RNF43: variants seen among roughly 807,000 people sequenced by gnomAD.
RNF43 encodes the protein E3 ubiquitin-protein ligase RNF43.
In RNF43, 37 loss-of-function variants were observed where a neutral mutation model predicts 78.4. The observed-to-expected ratio is 0.47, with a 90% CI of 0.36 to 0.62. The LOEUF is 0.62. Among genes scored for constraint, RNF43 ranks in the 20% least tolerant of loss-of-function variants. RNF43 has a pLI of 0.00. For missense variants in RNF43, 774 were observed against 1,007.9 expected, an observed-to-expected ratio of 0.77 and a Z score of 3.14; for synonymous variants, 347 against 395.0, an observed-to-expected ratio of 0.88 and a Z score of 1.44.
chr17:58,366,673 C>G (rs1453845707), intron 3 of RNF43, among the ~76,000 whole-genome samples: 1 of 152,206 alleles, frequency 6.6e-6, no homozygotes, highest in Admixed American at 6.5e-5. Flanking sequence ...TACTCTGTGT[C>G]TGTTGTTTTT....
intron 5 of RNF43, chr17:58,363,071 T>A (rs1972873556): frequency 1.5e-5 from 9 of 613,628 alleles, no homozygotes; most frequent in Non-Finnish European, 2.0e-5. Flanking sequence ...TTAGAACTCA[T>A]CTGTCCTGAT....
intron 2 of RNF43, among the ~76,000 whole-genome samples, chr17:58,411,616 C>A (rs1974025435): frequency 6.6e-6 from 1 of 152,076 alleles, no homozygotes. Flanking sequence ...TAACTTTATC[C>A]TGGAGTCTAA....
chr17:58,368,712 C>CAAAAAAA (rs71365882), intron 3 of RNF43, among the ~76,000 whole-genome samples: 2 of 95,814 alleles, frequency 2.1e-5, no homozygotes, highest in Non-Finnish European at 4.4e-5. Flanking sequence ...GACTCTGTCT[C>CAAAAAAA]AAAAAAAAAA....
chr17:58,371,109 A>AT (rs960542181), intron 2 of RNF43, 76 bp from the exon 3 acceptor site: 190 of 1,382,222 alleles, frequency 1.4e-4, no homozygotes, highest in Middle Eastern at 1.9e-4. Flanking sequence ...ATACCTCTCC[A>AT]TTTTTCTAGG....
At chr17:58,411,649 A>T (rs950856666) in intron 2 of RNF43, among the ~76,000 whole-genome samples, 1 of 152,176 alleles carries the variant, frequency 6.6e-6, no homozygotes, top group Admixed American at 6.6e-5. Context: ...TAACCAGCTG[A>T]GCAGGAAGAG....
At chr17:58,380,353 G>A (rs1973287827) in intron 2 of RNF43, among the ~76,000 whole-genome samples, 1 of 152,142 alleles carries the variant, frequency 6.6e-6, no homozygotes, top group African/African-American at 2.4e-5. Context: ...CCCAGGATAA[G>A]GTCTATAGAG....
At chr17:58,378,200 G>T (rs1003777689) in intron 2 of RNF43, among the ~76,000 whole-genome samples, 1 of 152,172 alleles carries the variant, frequency 6.6e-6, no homozygotes, top group African/African-American at 2.4e-5. Context: ...GAGTTTCCAC[G>T]AATCAAGTTG....
chr17:58,363,385 TC>T lies in RNF43; in HGVS notation c.471del (p.Thr158ProfsTer6), dbSNP rs1164873326. ...CCCCAGATCAACACCACTGGCCAGGTCAGCCCCAGCGGCTGCTGCAGCTACA... is the reference window on the plus strand; with the variant it reads ...CCCCAGATCAACACCACTGGCCAGGTAGCCCCAGCGGCTGCTGCAGCTACA... ...AAEQLQQPLG[L>X]TWPVVLIWGN... On this transcript the variant is annotated frameshift_variant, in exon 5 of 10. Coordinates refer to ENST00000407977, the MANE Select transcript of RNF43 (RefSeq NM_017763.6). LOFTEE classifies it high-confidence loss of function. The T allele has an allele frequency of 1.9e-6, 3 of 1,614,006 alleles. No homozygotes were observed. The highest frequency in any genetic ancestry group is 2.5e-6 in the Non-Finnish European group (3 of 1,180,002).
intron 9 of RNF43, 126 bp from the exon 10 acceptor site, chr17:58,355,112 A>T: frequency 1.1e-6 from 1 of 870,902 alleles, no homozygotes; most frequent in South Asian, 1.4e-5. Context: ...CTGTCTGGAA[A>T]GGGTGGTTAG....
intron 2 of RNF43, among the ~76,000 whole-genome samples, chr17:58,371,379 C>T (rs1429626608): frequency 6.6e-6 from 1 of 152,252 alleles, no homozygotes; most frequent in African/African-American, 2.4e-5. Context: ...CTCCTGGCCC[C>T]AGCCTCTCTA....
intron 2 of RNF43, among the ~76,000 whole-genome samples, chr17:58,398,243 C>T (rs1020671087): frequency 3.9e-4 from 59 of 152,116 alleles, no homozygotes; most frequent in African/African-American, 1.3e-3. Flanking sequence ...ACTTTCCTGC[C>T]TAAATACATC....
intron 2 of RNF43, among the ~76,000 whole-genome samples, chr17:58,398,738 G>A (rs752615845): frequency 4.1e-4 from 63 of 152,064 alleles, no homozygotes; most frequent in Non-Finnish European, 8.4e-4. Flanking sequence ...AGAAGTAAAG[G>A]TCAAAAAAGG....
At position 58,356,978 on chromosome 17, in the gene RNF43, C is replaced by G. The variant is rs980175435; in HGVS notation, c.2308+490G>C. 41 of 479,030 alleles carry G rather than the reference C, an allele frequency of 8.6e-5. No individual in the cohort carries two copies. The Middle Eastern group carries it at 2.4e-3, about 28-fold the overall frequency. 29.7% of individuals were successfully genotyped at this position (479,030 alleles called of 1,614,324 possible). ...GCGCCATCTTGGCTCACTGCAACTT[C>G]CGCCTCTTAGGTTCACGCGATTCTC... On this transcript the variant is annotated intron_variant, in intron 9 of 9. Transcript: ENST00000407977.
intron 2 of RNF43, among the ~76,000 whole-genome samples, chr17:58,387,161 GA>G (rs1307903203): frequency 1.3e-5 from 2 of 152,180 alleles, no homozygotes; most frequent in Non-Finnish European, 2.9e-5. Flanking sequence ...AGGGATATCA[GA>G]ATTTCAAACA....
In RNF43 at chr17:58,363,278, G is replaced by A. The variant is rs776216229; in HGVS notation, c.579C>T (p.Ala193=). 1.7e-5 allele frequency: 28 copies of A among 1,613,468 alleles called. No individual in the cohort carries two copies. The highest frequency in any genetic ancestry group is 2.4e-5 in the Non-Finnish European group (28 of 1,180,012). The part of the protein sequence containing the change: ...HVRIELKEPP[A]WPDYDVWILM... ...TCTGGAGGTCTAGTGTGCTTACCCA[G>A]GCCGGGGGCTCCTTCAGCTCAATCC... Residue 193 remains alanine (A), a synonymous_variant, in exon 5 of 10, where the codon GCC becomes GCT. Transcript: ENST00000407977.
intron 2 of RNF43, among the ~76,000 whole-genome samples, chr17:58,408,642 C>T (rs115085599): frequency 7.9e-5 from 12 of 152,214 alleles, no homozygotes; most frequent in Admixed American, 2.6e-4. Context: ...TAACAACACA[C>T]GAGGCTGTTG....
chr17:58,401,751 A>T (rs1973804221), intron 2 of RNF43, among the ~76,000 whole-genome samples: 1 of 151,948 alleles, frequency 6.6e-6, no homozygotes, highest in Non-Finnish European at 1.5e-5. Flanking sequence ...TTATAAATTC[A>T]ATTCCCTATT....
downstream of RNF43, chr17:58,352,610 T>G: frequency 4.7e-6 from 1 of 214,494 alleles, no homozygotes; most frequent in Non-Finnish European, 9.4e-6. Flanking sequence ...ATCCACTGTC[T>G]CCCTCTGGAT....
chr17:58,371,899 T>C (rs1252313247), intron 2 of RNF43, among the ~76,000 whole-genome samples: 1 of 152,194 alleles, frequency 6.6e-6, no homozygotes, highest in Non-Finnish European at 1.5e-5. Context: ...TACTCTCTCT[T>C]CTCATTCACA....
Sources: allele counts gnomAD v4.1 joint callset (sites outside exome capture counted in the v4.1 genomes callset), GRCh38; gene constraint gnomAD v4.1.1; transcripts MANE v1.5; gene names NCBI Gene and HGNC (gene_info 2026-07-23, HGNC 2026-07-21).